The following AEBP2 variants were observed in gnomAD, a reference collection of about 807,000 sequenced individuals.
AEBP2 encodes zinc finger protein AEBP2.
A neutral mutation model predicts 50.8 loss-of-function variants in AEBP2; 10 were observed. The ratio of observed to expected loss-of-function variants is 0.20; its 90% confidence interval spans 0.12 to 0.33. The LOEUF (loss-of-function observed/expected upper bound fraction) is 0.33. Among genes scored for constraint, AEBP2 ranks in the 10% least tolerant of loss-of-function variants. The pLI is 1.00. For missense variants in AEBP2, 570 were observed against 688.0 expected, an observed-to-expected ratio of 0.83 and a Z score of 1.92; for synonymous variants, 296 against 261.3, an observed-to-expected ratio of 1.13 and a Z score of -1.28.
At chr12:19,480,851 A>G (rs189475710) in intron 3 of AEBP2, among the ~76,000 whole-genome samples, 3 of 152,162 alleles carry the variant, frequency 2.0e-5, no homozygotes, top group Admixed American at 2.0e-4. Flanking sequence ...AGGCCAGGGA[A>G]GTTTTCCTCA....
chr12:19,463,184 A>G (rs921033694), intron 2 of AEBP2, among the ~76,000 whole-genome samples: 8 of 152,212 alleles, frequency 5.3e-5, no homozygotes, highest in African/African-American at 1.7e-4. Context: ...AGAATTGATC[A>G]TCTTTCCCAG....
intron 1 of AEBP2, among the ~76,000 whole-genome samples, chr12:19,415,329 AAAAAAAAAAAAAAAAAAAAAAATATAT>A (rs2095741688): frequency 3.8e-5 from 1 of 26,410 alleles, no homozygotes; most frequent in South Asian, 1.5e-3. Flanking sequence ...AAAAAAAAAA[AAAAAAAAAAAAAAAAAAAAAAATATAT>A]ATATATATAT....
At chr12:19,419,586 C>G (rs2095744485) in intron 1 of AEBP2, among the ~76,000 whole-genome samples, 1 of 149,198 alleles carries the variant, frequency 6.7e-6, no homozygotes, top group Admixed American at 6.7e-5. Context: ...GAGACTCCGT[C>G]TCAAAAAATA....
At chr12:19,438,559 C>G (rs1239859453), upstream of AEBP2, among the ~76,000 whole-genome samples, 1 of 152,078 alleles carries the variant, frequency 6.6e-6, no homozygotes, top group Non-Finnish European at 1.5e-5. Context: ...TAAAATTTTG[C>G]TTTTGTGTTT....
chr12:19,423,064 CAAAAAAAAAAA>C lies in AEBP2; in HGVS notation c.-17+18868_-17+18878del, dbSNP rs751550689. On this transcript the variant is annotated intron_variant, in intron 1 of 3. Transcript: ENST00000538425. ...TGGGTGACAGAGTGAGACTCTGTCT[CAAAAAAAAAAA>C]AAAAAAAAAAAAAAAAAAAGAACAT... 4.0e-4 allele frequency among the ~76,000 whole-genome samples: 14 copies of C among 35,046 alleles called. No individual in the cohort carries two copies. The East Asian group carries it at 8.7e-3, about 22-fold the overall frequency. The allele number at this position is 35,046 out of a possible 152,430, so 23.0% of individuals were successfully genotyped here. A position where few individuals can be genotyped will look rare whatever the true frequency, so the allele number is the denominator to read the frequency against.
chr12:19,483,974 T>C (rs1948769026), intron 3 of AEBP2, among the ~76,000 whole-genome samples: 1 of 152,166 alleles, frequency 6.6e-6, no homozygotes, highest in Non-Finnish European at 1.5e-5. Flanking sequence ...AATGTTAGAG[T>C]GTCTGCCTAA....
At chr12:19,426,778 G>A (rs2095748761) in intron 1 of AEBP2, among the ~76,000 whole-genome samples, 1 of 151,902 alleles carries the variant, frequency 6.6e-6, no homozygotes, top group South Asian at 2.1e-4. Flanking sequence ...GTGTGCACCT[G>A]TAATCCCAGC....
At position 19,508,353 on chromosome 12, in the gene AEBP2, G is replaced by A. The variant is rs148466255; in HGVS notation, c.1300-4045G>A. Among the ~76,000 whole-genome samples the A allele has an allele frequency of 1.4e-3, 208 of 152,254 alleles. 7 individuals are homozygous for A. The East Asian group carries it at 0.035, about 25-fold the overall frequency. On this transcript the variant is annotated intron_variant, in intron 5 of 7. Coordinates refer to ENST00000266508, the MANE Select transcript of AEBP2 (RefSeq NM_153207.5). ...TGGGATTATAGGTGTGAGCCACTGC[G>A]TCTGGCCTCACCATAGGTTTTTATA...
intron 1 of AEBP2, among the ~76,000 whole-genome samples, chr12:19,461,702 G>T (rs1490610995): frequency 6.6e-6 from 1 of 152,010 alleles, no homozygotes; most frequent in Non-Finnish European, 1.5e-5. Context: ...GTAGCAGTGG[G>T]ATTTCACCAT....
rs1248816435 is a variant in AEBP2, at chr12:19,440,295, C to T, written c.596C>T (p.Thr199Ile). 4 of 1,464,346 alleles carry T rather than the reference C, an allele frequency of 2.7e-6. No individual in the cohort carries two copies. The highest frequency in any genetic ancestry group is 2.6e-5 in the Admixed American group (1 of 38,938). The allele number at this position is 1,464,346 out of a possible 1,614,324, so 90.7% of individuals were successfully genotyped here. ...ACTGGGGGAGGCGGAAGCAGCGCGACCTCCGGGGGCCGGCGGGGCAGCTTG... is the reference window on the plus strand; with the variant it reads ...ACTGGGGGAGGCGGAAGCAGCGCGATCTCCGGGGGCCGGCGGGGCAGCTTG... ...YGTGGGGSSA[T>I]SGGRRGSLEM... is the part of the protein sequence containing the mutation. Residue 199 changes from threonine (T) to isoleucine (I), a missense_variant, in exon 1 of 8, where the codon ACC (threonine) becomes ATC (isoleucine). This residue lies in a region of AEBP2 where 386 missense variants were observed against 336.8 expected (regional missense o/e 1.15). Coordinates refer to ENST00000266508, the MANE Select transcript of AEBP2 (RefSeq NM_153207.5).
rs1383354349 is a variant in AEBP2, at chr12:19,462,597, T to C, written c.759T>C (p.Thr253=). The C allele has an allele frequency of 3.1e-6, 5 of 1,613,956 alleles. No homozygotes were observed. The highest frequency in any genetic ancestry group is 4.5e-5 in the East Asian group (2 of 44,880). ...PAMMNGQGST[T]SSSKNIAYNC... is the part of the protein sequence containing the mutation. Reference sequence around the variant, plus strand: ...TGATGAATGGACAAGGAAGCACTACTTCTTCAAGCAAAAATATTGCCTATA... The same window carrying C: ...TGATGAATGGACAAGGAAGCACTACCTCTTCAAGCAAAAATATTGCCTATA... The change falls in exon 2 of 8, where the codon ACT becomes ACC. Residue 253 remains threonine (T), a synonymous_variant. Transcript: ENST00000266508.
At chr12:19,424,055 G>A (rs909800533) in intron 1 of AEBP2, among the ~76,000 whole-genome samples, 13 of 152,182 alleles carry the variant, frequency 8.5e-5, no homozygotes, top group Non-Finnish European at 1.9e-4. Flanking sequence ...GAGAATGGAT[G>A]TTATTTACCG....
intron 5 of AEBP2, among the ~76,000 whole-genome samples, chr12:19,506,916 G>T (rs1949162395): frequency 6.6e-6 from 1 of 152,244 alleles, no homozygotes; most frequent in African/African-American, 2.4e-5. Context: ...GCAGCTCCGT[G>T]GCAGAGCCGT....
intron 3 of AEBP2, among the ~76,000 whole-genome samples, chr12:19,489,508 A>G (rs1322106255): frequency 3.3e-5 from 5 of 152,238 alleles, no homozygotes; most frequent in African/African-American, 4.8e-5. Flanking sequence ...GAGCCAAACC[A>G]TATCAGTGTT....
At chr12:19,491,628 C>T (rs1285786231) in intron 3 of AEBP2, among the ~76,000 whole-genome samples, 4 of 151,912 alleles carry the variant, frequency 2.6e-5, no homozygotes, top group East Asian at 1.9e-4. Context: ...TTCATAGAGA[C>T]GCTGAGGGCC....
upstream of AEBP2, among the ~76,000 whole-genome samples, chr12:19,438,752 T>A (rs1399924752): frequency 6.6e-6 from 1 of 152,220 alleles, no homozygotes; most frequent in Non-Finnish European, 1.5e-5. Flanking sequence ...AGAGGAGATA[T>A]GCAACGTCAA....
At chr12:19,472,353 T>C (rs748245368) in intron 2 of AEBP2, among the ~76,000 whole-genome samples, 9 of 152,200 alleles carry the variant, frequency 5.9e-5, no homozygotes, top group Non-Finnish European at 1.2e-4. Context: ...TGGTAGACCC[T>C]TCTTTACCTG....
intron 5 of AEBP2, among the ~76,000 whole-genome samples, chr12:19,502,717 C>T (rs893863193): frequency 9.3e-5 from 14 of 150,582 alleles, no homozygotes; most frequent in African/African-American, 2.2e-4. Flanking sequence ...GGCATGATCT[C>T]GGCTCACTGC....
chr12:19,432,500 C>T (rs1281029725), intron 1 of AEBP2, among the ~76,000 whole-genome samples: 2 of 152,064 alleles, frequency 1.3e-5, no homozygotes, highest in African/African-American at 4.8e-5. Flanking sequence ...TAGAAACCAG[C>T]CTGGGCAACA....
Sources: gnomAD v4.1 joint callset for allele counts (sites outside exome capture counted in the v4.1 genomes callset) on GRCh38, gnomAD v4.1.1 for gene constraint, gnomAD v4.1.1 regional missense constraint, MANE v1.5 for transcripts, NCBI Gene and HGNC (gene_info 2026-07-23, HGNC 2026-07-21) for gene names.